MCPH1: variants seen among roughly 807,000 people sequenced by gnomAD.
MCPH1 encodes the protein microcephalin 1.
A neutral mutation model predicts 84.5 loss-of-function variants in MCPH1; 104 were observed. The ratio of observed to expected loss-of-function variants is 1.23; its 90% CI spans 1.05 to 1.45. The LOEUF (loss-of-function observed/expected upper bound fraction) is 1.45, where lower values mean the gene tolerates loss of function less well. Among genes scored for constraint, MCPH1 ranks in the 40% most tolerant of loss-of-function variants. The pLI, the probability that MCPH1 is intolerant of heterozygous loss-of-function variation, is 0.00. For missense variants in MCPH1, 1,498 were observed against 1,005.7 expected, an observed-to-expected ratio of 1.49 and a Z score of -6.62; for synonymous variants, 514 against 366.8, an observed-to-expected ratio of 1.40 and a Z score of -4.58.
intron 12 of MCPH1, chr8:6,509,159 G>T: frequency 6.8e-7 from 1 of 1,474,588 alleles, no homozygotes; most frequent in Non-Finnish European, 9.2e-7. Context: ...CTACAGAAGC[G>T]TGTTCTGTAC....
chr8:6,466,530 C>G lies in MCPH1; in HGVS notation c.1936-11064C>G, dbSNP rs180919277. Among the ~76,000 whole-genome samples, 1,281 of 152,244 alleles carry G rather than the reference C, an allele frequency of 8.4e-3. 9 individuals carry two copies. Among genetic ancestry groups the G allele is most frequent in the Non-Finnish European group, 0.015 (1,032 of 68,006 alleles). On this transcript the variant is annotated intron_variant, in intron 9 of 13. Transcript: ENST00000344683. ...CGCCGTATTAGCCAGGATGGTCTCA[C>G]TCTCCTGACCTCGTGATCCGCCCGC...
At chr8:6,627,274 G>C in intron 13 of MCPH1, 1 of 985,452 alleles carries the variant, frequency 1.0e-6, no homozygotes, top group Non-Finnish European at 1.2e-6. Flanking sequence ...GCCTCGATAA[G>C]GAACCAGTCG....
chr8:6,448,697 A>G (rs932183362), intron 8 of MCPH1, among the ~76,000 whole-genome samples: 1 of 152,222 alleles, frequency 6.6e-6, no homozygotes, highest in African/African-American at 2.4e-5. Context: ...GCATAGAATT[A>G]TATTGCCTTA....
chr8:6,464,983 A>AG (rs72584130), intron 9 of MCPH1, among the ~76,000 whole-genome samples: 1 of 129,434 alleles, frequency 7.7e-6, no homozygotes, highest in African/African-American at 3.8e-5. Context: ...TGGGCAACAG[A>AG]GAAGATTCCA....
In MCPH1 at chr8:6,419,354, G is replaced by T. The variant is rs564238875; in HGVS notation, c.233+4471G>T. ...CTCACCCCAGCCCTCCCTAGTGGCT[G>T]GGACTGTAGGCATGTGCCACCATGC... On this transcript the variant is annotated intron_variant, in intron 3 of 13. Coordinates refer to ENST00000344683, the MANE Select transcript of MCPH1 (RefSeq NM_024596.5). 1.6e-4 allele frequency among the ~76,000 whole-genome samples: 24 copies of T among 152,042 alleles called. 1 individual carries two copies. In the South Asian group the frequency reaches 3.7e-3, roughly 24 times the overall value.
chr8:6,554,248 T>C (rs1025496406), intron 12 of MCPH1, among the ~76,000 whole-genome samples: 12 of 151,116 alleles, frequency 7.9e-5, no homozygotes, highest in African/African-American at 2.4e-4. Flanking sequence ...CCAGGTGGTC[T>C]GGACTAAATG....
intron 12 of MCPH1, among the ~76,000 whole-genome samples, chr8:6,586,133 T>A (rs1354668911): frequency 4.0e-5 from 6 of 151,402 alleles, no homozygotes; most frequent in Non-Finnish European, 8.9e-5. Flanking sequence ...CGCTTTCTGA[T>A]TTTTTTTTGT....
At chr8:6,484,903 A>G (rs1277087565) in intron 11 of MCPH1, among the ~76,000 whole-genome samples, 1 of 152,234 alleles carries the variant, frequency 6.6e-6, no homozygotes, top group African/African-American at 2.4e-5. Context: ...CAGCTGTCAC[A>G]TCTTTGGGGC....
chr8:6,566,066 G>A (rs1279122974), intron 12 of MCPH1, among the ~76,000 whole-genome samples: 1 of 151,892 alleles, frequency 6.6e-6, no homozygotes, highest in Admixed American at 6.6e-5. Flanking sequence ...GTAATGCGGT[G>A]CAAAGCAGCT....
chr8:6,620,319 C>T (rs924842009), intron 12 of MCPH1: 2 of 152,204 alleles, frequency 1.3e-5, no homozygotes, highest in Non-Finnish European at 2.9e-5. Flanking sequence ...GCTATATTTT[C>T]ACAGTAGGAT....
intron 12 of MCPH1, among the ~76,000 whole-genome samples, chr8:6,547,196 A>T (rs181360991): frequency 6.6e-6 from 1 of 152,154 alleles, no homozygotes; most frequent in African/African-American, 2.4e-5. Flanking sequence ...AACTAGTTTT[A>T]TACCATTAGA....
At chr8:6,415,584 C>T (rs1339342362) in intron 3 of MCPH1, among the ~76,000 whole-genome samples, 1 of 152,060 alleles carries the variant, frequency 6.6e-6, no homozygotes, top group Non-Finnish European at 1.5e-5. Context: ...AAACTTCTGA[C>T]CTCAGGTGAT....
chr8:6,472,351 T>C (rs1008753745), intron 9 of MCPH1, among the ~76,000 whole-genome samples: 2 of 152,258 alleles, frequency 1.3e-5, no homozygotes, highest in African/African-American at 4.8e-5. Context: ...AACTTATCAA[T>C]AGTAACACAT....
chr8:6,528,769 C>T (rs1025004548), intron 12 of MCPH1, among the ~76,000 whole-genome samples: 1 of 152,218 alleles, frequency 6.6e-6, no homozygotes. Context: ...AACCGGAGAC[C>T]TTGAAAGAAT....
chr8:6,631,518 T>G (rs1230721788), intron 13 of MCPH1, among the ~76,000 whole-genome samples: 1 of 152,014 alleles, frequency 6.6e-6, no homozygotes, highest in African/African-American at 2.4e-5. Context: ...GAATAAACAT[T>G]TCTTCAAAAA....
At chr8:6,511,275 A>G (rs1815033880) in intron 12 of MCPH1, among the ~76,000 whole-genome samples, 1 of 143,040 alleles carries the variant, frequency 7.0e-6, no homozygotes, top group African/African-American at 2.6e-5. Context: ...GTTGCTTTAC[A>G]TTGGTATGGG....
chr8:6,596,901 A>G (rs1317596279), intron 12 of MCPH1, among the ~76,000 whole-genome samples: 4 of 152,212 alleles, frequency 2.6e-5, no homozygotes, highest in African/African-American at 9.7e-5. Context: ...ACACAGTAAG[A>G]ATGAATGAGA....
chr8:6,637,734 C>A (rs1797660905), intron 13 of MCPH1, among the ~76,000 whole-genome samples: 1 of 152,074 alleles, frequency 6.6e-6, no homozygotes, highest in African/African-American at 2.4e-5. Context: ...CTCAACGGAT[C>A]CTCCTAACTC....
chr8:6,432,385 G>A (rs1416820438), intron 4 of MCPH1, among the ~76,000 whole-genome samples: 1 of 151,750 alleles, frequency 6.6e-6, no homozygotes, highest in African/African-American at 2.4e-5. Context: ...TTTTTCTTTT[G>A]AATATTTCCA....
Sources: gnomAD v4.1 joint callset for allele counts (sites outside exome capture counted in the v4.1 genomes callset) on GRCh38, gnomAD v4.1.1 for gene constraint, MANE v1.5 for transcripts, NCBI Gene and HGNC (gene_info 2026-07-23, HGNC 2026-07-21) for gene names.